LNPEP: variants seen among roughly 807,000 people sequenced by gnomAD.
The protein encoded by LNPEP is leucyl and cystinyl aminopeptidase.
Under a neutral mutation model 120.6 loss-of-function variants are expected in LNPEP, and 64 were observed. The observed-to-expected ratio is 0.53, with a 90% CI of 0.43 to 0.65. The LOEUF is 0.65. Ranked by LOEUF, LNPEP falls within the 30% of genes least tolerant of loss-of-function variation. The pLI is 0.00. For synonymous variants in LNPEP, 435 were observed against 425.4 expected (o/e 1.02, Z -0.28); for missense variants, 1,057 against 1,200.0 (o/e 0.88, Z 1.76).
At chr5:97,002,184 T>G (rs1336265885) in intron 8 of LNPEP, among the ~76,000 whole-genome samples, 1 of 151,952 alleles carries the variant, frequency 6.6e-6, no homozygotes, top group Non-Finnish European at 1.5e-5. Context: ...AGAGTGATGA[T>G]TAGAAGATGG....
At chr5:96,991,439 C>G (rs1261563583) in intron 4 of LNPEP, among the ~76,000 whole-genome samples, 5 of 152,108 alleles carry the variant, frequency 3.3e-5, no homozygotes, top group Non-Finnish European at 5.9e-5. Flanking sequence ...TAAAGGTGTT[C>G]CTTTTTCACC....
intron 7 of LNPEP, among the ~76,000 whole-genome samples, chr5:96,997,442 T>G (rs1351048898): frequency 6.6e-6 from 1 of 152,132 alleles, no homozygotes; most frequent in Non-Finnish European, 1.5e-5. Flanking sequence ...GATACACAGT[T>G]TGACCACTTG....
intron 3 of LNPEP, 148 bp downstream of exon 3, chr5:96,985,366 AAT>A (rs1468178202): frequency 1.2e-5 from 8 of 686,650 alleles, no homozygotes; most frequent in Non-Finnish European, 1.7e-5. Flanking sequence ...TAAAAATTAA[AAT>A]ATATTGGCAT....
intron 4 of LNPEP, among the ~76,000 whole-genome samples, chr5:96,991,863 T>G (rs1029597705): frequency 6.6e-5 from 10 of 152,182 alleles, no homozygotes; most frequent in African/African-American, 2.4e-4. Context: ...AAACTAAAAT[T>G]GGAGTTAAGA....
chr5:97,021,490 C>G (rs1453479217), intron 13 of LNPEP, among the ~76,000 whole-genome samples: 1 of 152,030 alleles, frequency 6.6e-6, no homozygotes, highest in Non-Finnish European at 1.5e-5. Flanking sequence ...GTTAAATATA[C>G]CTTTAATATT....
chr5:96,994,001 C>T (rs758145521), intron 6 of LNPEP, 30 bp downstream of exon 6: 8 of 1,598,538 alleles, frequency 5.0e-6, no homozygotes, highest in Non-Finnish European at 6.8e-6. Flanking sequence ...TTCTGTGTCA[C>T]ACCTGTGGTC....
chr5:96,969,239 C>T (rs1411267046), intron 1 of LNPEP, among the ~76,000 whole-genome samples: 1 of 149,526 alleles, frequency 6.7e-6, no homozygotes, highest in African/African-American at 2.5e-5. Context: ...TAGTTTTTTG[C>T]TTAAGAATGC....
chr5:96,985,041 T>G, intron 2 of LNPEP, 39 bp from the exon 3 acceptor site: 1 of 1,610,808 alleles, frequency 6.2e-7, no homozygotes, highest in Non-Finnish European at 8.5e-7. Context: ...GTACAGTAGG[T>G]GCTCAGTAAC....
At position 97,034,406 on chromosome 5, in the gene LNPEP, TTTTTTTG is replaced by T. The variant is rs887159450; in HGVS notation, c.*5880_*5886del. The T allele has an allele frequency of 8.7e-5, 13 of 150,068 alleles. No individual in the cohort carries two copies. The highest frequency in any genetic ancestry group is 2.5e-4 in the African/African-American group (10 of 39,944). 9.3% of individuals were successfully genotyped at this position (150,068 alleles called of 1,614,324 possible). On this transcript the variant is annotated 3_prime_UTR_variant, in exon 18 of 18. Transcript: ENST00000231368. ...TTATTTAAGGGATTTTGTTTTTTTG[TTTTTTTG>T]TTTTTTTTTTGGTAGGGGAGGTGGG...
chr5:96,975,428 C>G (rs1158393720), intron 1 of LNPEP, among the ~76,000 whole-genome samples: 2 of 152,090 alleles, frequency 1.3e-5, no homozygotes, highest in Non-Finnish European at 2.9e-5. Context: ...CCATCTAGCC[C>G]GAGGTAGTAT....
chr5:97,027,610 G>C, intron 16 of LNPEP, 123 bp from the exon 17 acceptor site: 1 of 639,112 alleles, frequency 1.6e-6, no homozygotes, highest in Non-Finnish European at 2.8e-6. Flanking sequence ...GGTTTCCTCA[G>C]TTGCAGTTCC....
At chr5:96,992,953 C>G (rs1230237521) in intron 4 of LNPEP, 62 bp from the exon 5 acceptor site, 2 of 1,286,940 alleles carry the variant, frequency 1.6e-6, no homozygotes, top group Non-Finnish European at 2.1e-6. Flanking sequence ...GACAGTGCTA[C>G]TTGAGTATCA....
Position 97,006,457 on chromosome 5 carries a change from C to A in LNPEP, c.1977C>A (p.Val659=). Residue 659 remains valine, a synonymous_variant, in exon 11 of 18, where the codon GTC becomes GTA. Coordinates refer to ENST00000231368, the MANE Select transcript of LNPEP (RefSeq NM_005575.3). The part of the protein sequence containing the change: ...SYLWHIPLSY[V]TEGRNYSKYQ... ...TGTGGCATATTCCACTATCCTATGT[C>A]ACTGAAGGAAGAAATTATTCAAAAT... 2 of 1,584,712 alleles carry A rather than the reference C, an allele frequency of 1.3e-6. No individual in the cohort carries two copies. Among genetic ancestry groups the A allele is most frequent in the Non-Finnish European group, 1.7e-6 (2 of 1,154,202 alleles).
intron 6 of LNPEP, 111 bp downstream of exon 6, chr5:96,994,082 C>T (rs1790453101): frequency 8.5e-6 from 7 of 821,244 alleles, no homozygotes; most frequent in Non-Finnish European, 1.3e-5. Context: ...GCATTGCCTT[C>T]TTTTATAATA....
chr5:96,953,071 C>T (rs1039438200), intron 1 of LNPEP, among the ~76,000 whole-genome samples: 1 of 151,878 alleles, frequency 6.6e-6, no homozygotes, highest in Non-Finnish European at 1.5e-5. Flanking sequence ...GATCTGCTTT[C>T]TCAAGCTTTG....
intron 4 of LNPEP, among the ~76,000 whole-genome samples, chr5:96,989,389 CAATATAT>C (rs1685444643): frequency 5.1e-5 from 1 of 19,520 alleles, no homozygotes; most frequent in African/African-American, 1.8e-4. Context: ...ATATTATATA[CAATATAT>C]TATATATTAT....
At chr5:96,945,068 A>G (rs1789154201) in intron 1 of LNPEP, among the ~76,000 whole-genome samples, 1 of 152,090 alleles carries the variant, frequency 6.6e-6, no homozygotes, top group African/African-American at 2.4e-5. Flanking sequence ...AGAACGTAAA[A>G]TGTGCCAGAC....
At chr5:96,950,582 G>C (rs7719705) in intron 1 of LNPEP, among the ~76,000 whole-genome samples, 1 of 152,104 alleles carries the variant, frequency 6.6e-6, no homozygotes, top group South Asian at 2.1e-4. Flanking sequence ...ATTAGTTGAC[G>C]TAACAAAATA....
At chr5:96,981,887 C>T (rs992467667) in intron 2 of LNPEP, among the ~76,000 whole-genome samples, 33 of 152,080 alleles carry the variant, frequency 2.2e-4, no homozygotes, top group Admixed American at 3.9e-4. Flanking sequence ...AGCAGTTCCT[C>T]GTTTCTAACA....
Sources: gnomAD v4.1 joint callset for allele counts (sites outside exome capture counted in the v4.1 genomes callset) on GRCh38, gnomAD v4.1.1 for gene constraint, MANE v1.5 for transcripts, NCBI Gene and HGNC (gene_info 2026-07-23, HGNC 2026-07-21) for gene names.